Variants in VSX2 observed in about 807,000 individuals in gnomAD.
The protein encoded by VSX2 is visual system homeobox 2.
Under a neutral mutation model 32.1 loss-of-function variants are expected in VSX2, and 28 were observed. That is an observed-to-expected ratio of 0.87 (90% CI 0.65 to 1.20). The LOEUF is 1.20. Ranked by LOEUF, VSX2 falls within the 50% of genes most tolerant of loss-of-function variation. The probability of loss-of-function intolerance (pLI) is 0.00; values close to 1 mark genes in which losing one functional copy is unlikely to be tolerated. For synonymous variants in VSX2, 243 were observed against 214.1 expected (o/e 1.14, Z -1.18); for missense variants, 506 against 488.7 (o/e 1.04, Z -0.33).
In VSX2 at chr14:74,241,170, C is replaced by T. The variant is rs371396618; in HGVS notation, c.371-12C>T. 93 of 1,612,700 alleles carry T rather than the reference C, an allele frequency of 5.8e-5. No individual in the cohort carries two copies. The highest frequency in any genetic ancestry group is 7.9e-5 in the Non-Finnish European group (93 of 1,179,898). Reference sequence around the variant, plus strand: ...CCCCACTCTGCCGCATGTCCCTACGCCCGCTTTTCAGATTCTGAAGATGTT... The same window carrying T: ...CCCCACTCTGCCGCATGTCCCTACGTCCGCTTTTCAGATTCTGAAGATGTT... On this transcript the variant is annotated splice_polypyrimidine_tract_variant and intron_variant, in intron 1 of 4. Coordinates refer to ENST00000261980, the MANE Select transcript of VSX2 (RefSeq NM_182894.3).
At chr14:74,256,012 T>G (rs1159446255) in intron 3 of VSX2, among the ~76,000 whole-genome samples, 1 of 152,262 alleles carries the variant, frequency 6.6e-6, no homozygotes. Flanking sequence ...CTGTGGTTTA[T>G]GCATCACATC....
intron 2 of VSX2, among the ~76,000 whole-genome samples, chr14:74,243,351 C>A (rs2079163593): frequency 6.6e-6 from 1 of 152,146 alleles, no homozygotes; most frequent in Admixed American, 6.5e-5. Flanking sequence ...GTCTGGGGTT[C>A]TGCATAAACC....
chr14:74,252,347 T>C (rs1313691840), intron 3 of VSX2, among the ~76,000 whole-genome samples: 1 of 152,160 alleles, frequency 6.6e-6, no homozygotes, highest in South Asian at 2.1e-4. Context: ...GCCAGACAAC[T>C]GTGGACAGCC....
In VSX2 at chr14:74,239,698, G is replaced by A; in HGVS notation, c.137G>A (p.Ser46Asn). ...EILGLNKEPPSSHPRAALDGL... is the reference protein window; with the variant it reads ...EILGLNKEPPNSHPRAALDGL... ...CTGGGCTTGAACAAGGAGCCCCCGA[G>A]CTCCCACCCGCGGGCAGCGCTCGAC... The change falls in exon 1 of 5, where the codon AGC (serine) becomes AAC (asparagine). Residue 46 changes from serine to asparagine, a missense_variant. Transcript: ENST00000261980. 6.5e-7 allele frequency: 1 copy of A among 1,549,836 alleles called. No homozygotes were observed. The highest frequency in any genetic ancestry group is 8.7e-7 in the Non-Finnish European group (1 of 1,146,822).
chr14:74,262,463 C>T lies in VSX2; in HGVS notation c.*1544C>T, dbSNP rs561225567. On this transcript the variant is annotated 3_prime_UTR_variant, in exon 5 of 5. Transcript: ENST00000261980. ...AATGGCCTGAGACAGTGCGTTGCAACTTTTTAATTCCATATCAAAAGTTGA... is the reference window on the plus strand; with the variant it reads ...AATGGCCTGAGACAGTGCGTTGCAATTTTTTAATTCCATATCAAAAGTTGA... 1 of 152,168 alleles carries T rather than the reference C, an allele frequency of 6.6e-6. No homozygotes were observed. Among genetic ancestry groups the T allele is most frequent in the Non-Finnish European group, 1.5e-5 (1 of 68,034 alleles). 9.4% of individuals were successfully genotyped at this position (152,168 alleles called of 1,614,324 possible). A position where few individuals can be genotyped will look rare whatever the true frequency, so the allele number is the denominator to read the frequency against.
rs2079134172 is a variant in VSX2 at position 74,239,524 on chromosome 14, A to G, written c.-38A>G. 1.3e-6 allele frequency: 2 copies of G among 1,549,724 alleles called. No individual in the cohort carries two copies. Among genetic ancestry groups the G allele is most frequent in the Non-Finnish European group, 1.7e-6 (2 of 1,146,812 alleles). On this transcript the variant is annotated 5_prime_UTR_variant, in exon 1 of 5. Transcript: ENST00000261980. The stretch of plus-strand genomic sequence containing the variant: ...GCCCGGCGGGGGGGTGGGGGGAGCT[A>G]AAGACCTGCGGCCTCAGCCCCTCCA...
chr14:74,250,879 C>A (rs978775706), intron 3 of VSX2, among the ~76,000 whole-genome samples: 2 of 151,760 alleles, frequency 1.3e-5, no homozygotes, highest in African/African-American at 4.8e-5. Flanking sequence ...GATCTCTTGA[C>A]CTCGTGATCT....
intron 3 of VSX2, among the ~76,000 whole-genome samples, chr14:74,255,572 C>G (rs543398685): frequency 6.6e-6 from 1 of 152,238 alleles, no homozygotes; most frequent in East Asian, 1.9e-4. Flanking sequence ...AATTAGGAGA[C>G]CCAGGAAAAT....
rs754553036 is a variant in VSX2, at chr14:74,239,632, G to A, written c.71G>A (p.Gly24Asp). 9 of 1,550,884 alleles carry A rather than the reference G, an allele frequency of 5.8e-6. No homozygotes were observed. The highest frequency in any genetic ancestry group is 2.4e-5 in the East Asian group (1 of 40,898). ...SETVAKSTSG[G>D]APARCTGFGI... ...ACAGTGGCCAAGAGTACCTCGGGGG[G>A]CGCCCCGGCCAGGTGCACTGGGTTC... is the stretch of plus-strand genomic sequence containing the variant. The change falls in exon 1 of 5, where the codon GGC (glycine) becomes GAC (aspartate). Residue 24 changes from glycine (G) to aspartate (D), a missense_variant. By Grantham distance (94) the Gly-to-Asp change is moderately conservative. Transcript: ENST00000261980.
chr14:74,254,784 A>ATTTTTTTTTTTTTTTTTTTTTTTTTTT lies in VSX2; in HGVS notation c.580-4805_580-4804insTTTTTTTTTTTTTTTTTTTTTTTTTTT, dbSNP rs537753574. The stretch of plus-strand genomic sequence containing the variant: ...ATCCTCCAAAAACCCCGAAAAGTGG[A>ATTTTTTTTTTTTTTTTTTTTTTTTTTT]TTTTTTTTTTTTTGAGACGCAGTCT... On this transcript the variant is annotated intron_variant, in intron 3 of 4. Transcript: ENST00000261980. Among the ~76,000 whole-genome samples, 133 of 116,576 alleles carry ATTTTTTTTTTTTTTTTTTTTTTTTTTT rather than the reference A, an allele frequency of 1.1e-3. 19 individuals are homozygous for ATTTTTTTTTTTTTTTTTTTTTTTTTTT. The highest frequency in any genetic ancestry group is 5.2e-3 in the East Asian group (14 of 2,690). The allele number at this position is 116,576 out of a possible 152,430, so 76.5% of individuals were successfully genotyped here.
chr14:74,248,333 C>A (rs1389157337), intron 3 of VSX2, among the ~76,000 whole-genome samples: 8 of 31,952 alleles, frequency 2.5e-4, no homozygotes, highest in East Asian at 1.1e-3. Context: ...TGAGACCAGG[C>A]TAAAAAAAAA....
chr14:74,248,938 G>C (rs945691031), intron 3 of VSX2, among the ~76,000 whole-genome samples: 1 of 152,134 alleles, frequency 6.6e-6, no homozygotes, highest in Admixed American at 6.5e-5. Context: ...TGGTAGAATG[G>C]GGGTGCAGGG....
At position 74,259,712 on chromosome 14, in the gene VSX2, C is replaced by A. The variant is rs778726493; in HGVS notation, c.690C>A (p.Ile230=). The A allele has an allele frequency of 1.9e-6, 3 of 1,613,774 alleles. No individual in the cohort carries two copies. The South Asian group carries it at 3.3e-5, about 18-fold the overall frequency. The change falls in exon 4 of 5, where the codon ATC becomes ATA. Residue 230 remains isoleucine (I), a synonymous_variant. Coordinates refer to ENST00000261980, the MANE Select transcript of VSX2 (RefSeq NM_182894.3). ...GLYGAMVRHS[I]PLPESILKSA... ...ACGGGGCCATGGTGCGGCACTCCATCCCCCTGCCCGAGTCCATCCTCAAGT... is the reference window on the plus strand; with the variant it reads ...ACGGGGCCATGGTGCGGCACTCCATACCCCTGCCCGAGTCCATCCTCAAGT...
intron 2 of VSX2, among the ~76,000 whole-genome samples, chr14:74,242,911 C>T (rs1412111607): frequency 3.3e-5 from 5 of 152,058 alleles, no homozygotes; most frequent in Non-Finnish European, 7.4e-5. Context: ...ACTTAGTGAC[C>T]GTCTGTTTTC....
chr14:74,241,108 G>A, intron 1 of VSX2, 74 bp from the exon 2 acceptor site: 9 of 1,508,750 alleles, frequency 6.0e-6, no homozygotes, highest in Non-Finnish European at 8.2e-6. Context: ...AGCCCGGGGT[G>A]GGGCCCTCGC....
rs1566883301 is a variant in VSX2 at position 74,241,358 on chromosome 14, C to T, written c.455+92C>T. 6 of 1,393,616 alleles carry T rather than the reference C, an allele frequency of 4.3e-6. No homozygotes were observed. The South Asian group carries it at 5.8e-5, about 14-fold the overall frequency. 86.3% of individuals were successfully genotyped at this position (1,393,616 alleles called of 1,614,324 possible). Reference sequence around the variant, plus strand: ...CGGGTCTCTCGGACCCTATTTTCGCCGACAACGGATCTGAGGTCCGAGGCC... The same window carrying T: ...CGGGTCTCTCGGACCCTATTTTCGCTGACAACGGATCTGAGGTCCGAGGCC... On this transcript the variant is annotated intron_variant, in intron 2 of 4. Coordinates refer to ENST00000261980, the MANE Select transcript of VSX2 (RefSeq NM_182894.3).
chr14:74,241,239 C>G lies in VSX2; in HGVS notation c.428C>G (p.Thr143Ser). ...RKMSKSALNQ[T>S]KKRKKRRHRT... ...ATGTCCAAATCTGCTTTAAACCAGA[C>G]CAAGAAACGGAAGAAGCGGCGACAC... Residue 143 changes from threonine (T) to serine (S), a missense_variant, in exon 2 of 5, where the codon ACC (threonine) becomes AGC (serine). Physicochemically the swap from Thr to Ser is moderately conservative, Grantham distance 58. Transcript: ENST00000261980. 2 of 1,613,392 alleles carry G rather than the reference C, an allele frequency of 1.2e-6. No individual in the cohort carries two copies. Among genetic ancestry groups the G allele is most frequent in the Non-Finnish European group, 1.7e-6 (2 of 1,180,002 alleles).
intron 3 of VSX2, among the ~76,000 whole-genome samples, chr14:74,245,515 G>T (rs1483911450): frequency 6.6e-6 from 1 of 152,130 alleles, no homozygotes; most frequent in Non-Finnish European, 1.5e-5. Flanking sequence ...CCAGACTATA[G>T]GCTTCCCGGG....
chr14:74,259,547 C>T, intron 3 of VSX2, 55 bp from the exon 4 acceptor site: 2 of 1,609,840 alleles, frequency 1.2e-6, no homozygotes, highest in South Asian at 1.1e-5. Context: ...GGGGTAAGGG[C>T]CTTGGGCCCA....
Sources: gnomAD v4.1 joint callset for allele counts (sites outside exome capture counted in the v4.1 genomes callset) on GRCh38, gnomAD v4.1.1 for gene constraint, MANE v1.5 for transcripts, NCBI Gene and HGNC (gene_info 2026-07-23, HGNC 2026-07-21) for gene names.